Variants in CTBP2 observed in about 807,000 individuals in gnomAD.
CTBP2 encodes the protein C-terminal-binding protein 2.
Under a neutral mutation model 80.3 loss-of-function variants are expected in CTBP2, and 30 were observed. The ratio of observed to expected loss-of-function variants is 0.37; its 90% confidence interval spans 0.28 to 0.51. The LOEUF (loss-of-function observed/expected upper bound fraction) is 0.51. CTBP2 is among the 20% of genes least tolerant of loss of function. The pLI, the probability that CTBP2 is intolerant of heterozygous loss-of-function variation, is 0.93. For synonymous variants in CTBP2, 594 were observed against 587.4 expected, an observed-to-expected ratio of 1.01 and a Z score of -0.16; for missense variants, 1,212 against 1,375.3, an observed-to-expected ratio of 0.88 and a Z score of 1.88.
At chr10:125,120,927 G>A (rs1854218850) in intron 1 of CTBP2, among the ~76,000 whole-genome samples, 1 of 152,204 alleles carries the variant, frequency 6.6e-6, no homozygotes, top group Non-Finnish European at 1.5e-5. Context: ...GCCAGATATC[G>A]GTTCCTTGAC....
intron 8 of CTBP2, among the ~76,000 whole-genome samples, chr10:124,991,585 C>T (rs537957603): frequency 2.6e-5 from 4 of 152,256 alleles, no homozygotes; most frequent in South Asian, 2.1e-4. Context: ...GCACCCTGGT[C>T]GTCACTGTGG....
At position 124,998,148 on chromosome 10, in the gene CTBP2, C is replaced by A; in HGVS notation, c.2001G>T (p.Pro667=). ...CCGCTGTCTCTTCCACGGCTGCAGA[C>A]GGGATGTTGCACACGGCAATTCCTG... The change falls in exon 4 of 9, where the codon CCG becomes CCT. Residue 667 remains proline (P), a synonymous_variant. Transcript: ENST00000309035. 1.2e-6 allele frequency: 2 copies of A among 1,609,004 alleles called. No homozygotes were observed. The highest frequency in any genetic ancestry group is 1.7e-6 in the Non-Finnish European group (2 of 1,178,306).
chr10:125,002,212 GAGCA>G (rs978399895), intron 3 of CTBP2, among the ~76,000 whole-genome samples: 1 of 152,252 alleles, frequency 6.6e-6, no homozygotes, highest in Admixed American at 6.5e-5. Context: ...TCCAAACACA[GAGCA>G]AGCACAGTGC....
intron 2 of CTBP2, among the ~76,000 whole-genome samples, chr10:125,054,835 A>G (rs183594388): frequency 5.3e-4 from 81 of 152,380 alleles, no homozygotes; most frequent in Admixed American, 1.0e-3. Flanking sequence ...CCAGACTGAC[A>G]TGAGGTCTGT....
chr10:124,985,309 G>T lies in CTBP2; in HGVS notation c.*4209C>A, dbSNP rs763165166. 2 of 217,468 alleles carry T rather than the reference G, an allele frequency of 9.2e-6. No homozygotes were observed. The highest frequency in any genetic ancestry group is 9.0e-6 in the Non-Finnish European group (1 of 110,998). The allele number at this position is 217,468 out of a possible 1,614,324, so 13.5% of individuals were successfully genotyped here. Reference sequence around the variant, plus strand: ...TGTAAGACATTGTTTAATAGGAAAAGTTGTACCAGCATCTTCATATTATTG... The same window carrying T: ...TGTAAGACATTGTTTAATAGGAAAATTTGTACCAGCATCTTCATATTATTG... On this transcript the variant is annotated 3_prime_UTR_variant, in exon 9 of 9. Transcript: ENST00000309035.
chr10:125,131,112 G>A (rs554548318), intron 1 of CTBP2, among the ~76,000 whole-genome samples: 1 of 152,206 alleles, frequency 6.6e-6, no homozygotes, highest in Non-Finnish European at 1.5e-5. Context: ...TGGGGAGGAG[G>A]AGTCTTCACC....
intron 2 of CTBP2, among the ~76,000 whole-genome samples, chr10:125,055,764 T>C (rs1158149328): frequency 6.6e-6 from 1 of 152,102 alleles, no homozygotes; most frequent in Non-Finnish European, 1.5e-5. Flanking sequence ...AAGAGGCAGG[T>C]AGACACATAC....
At chr10:125,100,837 T>C (rs1850507543) in intron 2 of CTBP2, 1 of 152,238 alleles carries the variant, frequency 6.6e-6, no homozygotes, top group African/African-American at 2.4e-5. Context: ...AGGTATTGCA[T>C]TCAGGATCTA....
chr10:125,073,551 C>G (rs541605076), intron 2 of CTBP2, among the ~76,000 whole-genome samples: 53 of 152,274 alleles, frequency 3.5e-4, no homozygotes, highest in African/African-American at 1.2e-3. Context: ...GGTTTCTGCA[C>G]CTCTTTCAAA....
chr10:125,043,594 C>A (rs1365488394), intron 2 of CTBP2, among the ~76,000 whole-genome samples: 1 of 152,080 alleles, frequency 6.6e-6, no homozygotes, highest in African/African-American at 2.4e-5. Flanking sequence ...GCCGCCACCA[C>A]GCCCGGCTAC....
chr10:125,052,833 G>T (rs1963088531), intron 2 of CTBP2, among the ~76,000 whole-genome samples: 1 of 152,176 alleles, frequency 6.6e-6, no homozygotes, highest in Admixed American at 6.5e-5. Flanking sequence ...TCTCAGGCTG[G>T]AATTGGGCGC....
intron 1 of CTBP2, among the ~76,000 whole-genome samples, chr10:125,024,081 A>G (rs1362554120): frequency 6.6e-6 from 1 of 152,198 alleles, no homozygotes; most frequent in African/African-American, 2.4e-5. Context: ...TGAAATGTCA[A>G]CATTATCCTC....
intron 1 of CTBP2, among the ~76,000 whole-genome samples, chr10:125,140,271 A>G (rs1458099062): frequency 6.6e-6 from 1 of 151,914 alleles, no homozygotes; most frequent in Non-Finnish European, 1.5e-5. Context: ...CAAAGGCATC[A>G]AAGGGTTTTC....
intron 1 of CTBP2, among the ~76,000 whole-genome samples, chr10:125,009,944 C>T (rs1005322304): frequency 3.3e-5 from 5 of 152,162 alleles, no homozygotes; most frequent in East Asian, 3.9e-4. Context: ...AACCGTCAGA[C>T]GTGGGATCTA....
Position 125,026,588 on chromosome 10 carries a change from G to GTAGCCGCAGGCTGGGGCTGCA in CTBP2, c.1171_1172insTGCAGCCCCAGCCTGCGGCTA (p.Pro391delinsLeuGlnProGlnProAlaAlaThr). ...AGCTCGGGGGGATGCTGTCTGCAGA[G>GTAGCCGCAGGCTGGGGCTGCA]GAGCCGCAGCGCCCAGAGAAGCCAA... On this transcript the variant is annotated protein_altering_variant, in exon 1 of 9. Transcript: ENST00000309035. 1 of 1,528,684 alleles carries GTAGCCGCAGGCTGGGGCTGCA rather than the reference G, an allele frequency of 6.5e-7. No homozygotes were observed. 94.7% of individuals were successfully genotyped at this position (1,528,684 alleles called of 1,614,324 possible).
chr10:125,050,956 GT>G (rs1192999460), intron 2 of CTBP2, among the ~76,000 whole-genome samples: 8 of 152,212 alleles, frequency 5.3e-5, no homozygotes, highest in African/African-American at 1.9e-4. Context: ...GATGAGGAGG[GT>G]GGATGGTGCC....
At chr10:124,993,665 T>G (rs908774710) in intron 6 of CTBP2, among the ~76,000 whole-genome samples, 190 bp downstream of exon 8, 19 of 152,250 alleles carry the variant, frequency 1.2e-4, no homozygotes, top group Non-Finnish European at 1.5e-5. Flanking sequence ...TGATGACCTC[T>G]GGGAAACTTC....
Position 125,112,456 on chromosome 10 carries a change from T to C in CTBP2, c.-205-1363A>G, listed in dbSNP as rs573685540. On this transcript the variant is annotated intron_variant, in intron 1 of 10. Coordinates refer to the CTBP2 transcript ENST00000337195. The stretch of plus-strand genomic sequence containing the variant: ...TTTTTTTTTTTTTTTTGAGACGTAG[T>C]CTCACTCTGTCACCCAGGCTGGAGT... Among the ~76,000 whole-genome samples, 21 of 140,480 alleles carry C rather than the reference T, an allele frequency of 1.5e-4. No individual in the cohort carries two copies. The East Asian group carries it at 4.2e-3, about 28-fold the overall frequency. 92.2% of individuals were successfully genotyped at this position (140,480 alleles called of 152,430 possible). A position where few individuals can be genotyped will look rare whatever the true frequency, so the allele number is the denominator to read the frequency against.
intron 2 of CTBP2, among the ~76,000 whole-genome samples, chr10:125,091,676 G>C (rs1035788994): frequency 1.1e-4 from 16 of 152,182 alleles, no homozygotes; most frequent in Non-Finnish European, 4.4e-5. Flanking sequence ...GGGGAGCTGA[G>C]GCAGGACTGC....
Sources: gnomAD v4.1 joint callset for allele counts (sites outside exome capture counted in the v4.1 genomes callset) on GRCh38, gnomAD v4.1.1 for gene constraint, MANE v1.5 for transcripts, NCBI Gene and HGNC (gene_info 2026-07-23, HGNC 2026-07-21) for gene names.